The following SLCO1A2 variants were observed in gnomAD, a reference collection of about 807,000 sequenced individuals.
SLCO1A2 encodes the protein OATP-1.
A neutral mutation model predicts 69.0 loss-of-function variants in SLCO1A2; 67 were observed. The observed-to-expected ratio is 0.97, with a 90% CI of 0.80 to 1.19. The LOEUF is 1.19. SLCO1A2 is among the 50% of genes most tolerant of loss of function. SLCO1A2 has a pLI of 0.00. For synonymous variants in SLCO1A2, 260 were observed against 265.9 expected, an observed-to-expected ratio of 0.98 and a Z score of 0.22; for missense variants, 787 against 793.7, an observed-to-expected ratio of 0.99 and a Z score of 0.10.
chr12:21,299,817 CACATATACACACACAT>C (rs1948386211), intron 8 of SLCO1A2, among the ~76,000 whole-genome samples: 2 of 115,108 alleles, frequency 1.7e-5, no homozygotes, highest in African/African-American at 9.1e-5. Context: ...TATACACACA[CACATATACACACACAT>C]ATATGTGTAT....
chr12:21,323,930 T>A (rs1951962467), intron 2 of SLCO1A2, among the ~76,000 whole-genome samples: 1 of 152,116 alleles, frequency 6.6e-6, no homozygotes, highest in South Asian at 2.1e-4. Context: ...AGGGTGCTTG[T>A]ATAGTCTTAA....
At chr12:21,277,652 T>G (rs1217270735) in intron 12 of SLCO1A2, among the ~76,000 whole-genome samples, 1 of 152,094 alleles carries the variant, frequency 6.6e-6, no homozygotes, top group South Asian at 2.1e-4. Flanking sequence ...CAGGCAGGAG[T>G]TGGGGATGAT....
At chr12:21,346,561 G>T (rs928128201) in intron 2 of SLCO1A2, among the ~76,000 whole-genome samples, 3 of 151,636 alleles carry the variant, frequency 2.0e-5, no homozygotes, top group Admixed American at 2.0e-4. Flanking sequence ...CTAGGAAAAT[G>T]ACTTTTGTTC....
At chr12:21,289,957 T>C (rs896388278) in intron 12 of SLCO1A2, among the ~76,000 whole-genome samples, 1 of 152,078 alleles carries the variant, frequency 6.6e-6, no homozygotes, top group African/African-American at 2.4e-5. Flanking sequence ...AATACACACA[T>C]CTGGCTATCA....
intron 2 of SLCO1A2, among the ~76,000 whole-genome samples, chr12:21,323,256 T>C (rs1354280891): frequency 6.6e-6 from 1 of 152,154 alleles, no homozygotes; most frequent in African/African-American, 2.4e-5. Flanking sequence ...CTCTGAAAAA[T>C]AATTTTTTAA....
intron 1 of SLCO1A2, among the ~76,000 whole-genome samples, chr12:21,414,546 T>A (rs970179204): frequency 2.0e-5 from 3 of 152,158 alleles, no homozygotes; most frequent in African/African-American, 7.2e-5. Flanking sequence ...TGATTTTTTT[T>A]AATTTATCAA....
rs750771054 is a variant in SLCO1A2 at position 21,306,956 on chromosome 12, C to T, written c.368G>A (p.Gly123Asp). Residue 123 changes from glycine to aspartate, a missense_variant, in exon 5 of 15, where the codon GGC becomes GAC. Transcript: ENST00000683939. ...YEYESTVSVS[G>D]NLSSNSFLCM... is the part of the protein sequence containing the mutation. Reference sequence around the variant, plus strand: ...CAAGAAACTGTTTGAGGACAAGTTGCCTGAAACTGAAACTGTAGATTCATA... The same window carrying T: ...CAAGAAACTGTTTGAGGACAAGTTGTCTGAAACTGAAACTGTAGATTCATA... 2.5e-6 allele frequency: 4 copies of T among 1,613,510 alleles called. No individual in the cohort carries two copies. In the South Asian group the frequency reaches 3.3e-5, roughly 13 times the overall value.
chr12:21,356,517 A>G (rs990404035), intron 2 of SLCO1A2, among the ~76,000 whole-genome samples: 3 of 143,240 alleles, frequency 2.1e-5, no homozygotes, highest in African/African-American at 7.9e-5. Flanking sequence ...GGAAGGAGAG[A>G]GGTAAGAAAA....
At chr12:21,410,150 C>A (rs1306579486) in intron 1 of SLCO1A2, among the ~76,000 whole-genome samples, 1 of 152,156 alleles carries the variant, frequency 6.6e-6, no homozygotes, top group Non-Finnish European at 1.5e-5. Flanking sequence ...CCCCCACTAA[C>A]CCACCACCTA....
chr12:21,419,500 T>G (rs1362798504), upstream of SLCO1A2: 1 of 153,310 alleles, frequency 6.5e-6, no homozygotes, highest in Non-Finnish European at 1.5e-5. Flanking sequence ...CCGAATACCC[T>G]GCTTTTCTGA....
At chr12:21,304,621 G>A (rs746931390) in intron 5 of SLCO1A2, 48 bp from the exon 6 acceptor site, 1 of 1,496,942 alleles carries the variant, frequency 6.7e-7, no homozygotes, top group Non-Finnish European at 9.1e-7. Flanking sequence ...ACGATAAAGT[G>A]TCAGTAATAT....
intron 4 of SLCO1A2, among the ~76,000 whole-genome samples, chr12:21,307,291 T>G (rs1302342475): frequency 6.6e-6 from 1 of 152,202 alleles, no homozygotes; most frequent in African/African-American, 2.4e-5. Context: ...ATATAATTAT[T>G]ATGAGATAAG....
intron 2 of SLCO1A2, among the ~76,000 whole-genome samples, chr12:21,372,316 CTAATTT>C (rs1939860009): frequency 6.6e-6 from 1 of 152,088 alleles, no homozygotes; most frequent in Non-Finnish European, 1.5e-5. Context: ...TTTGTTCATT[CTAATTT>C]TGTTTTGTTC....
At position 21,375,018 on chromosome 12, in the gene SLCO1A2, A is replaced by G. The variant is rs140864745; in HGVS notation, c.-189-493T>C. On this transcript the variant is annotated intron_variant, in intron 1 of 15. Transcript: ENST00000307378. The stretch of plus-strand genomic sequence containing the variant: ...TATTTTATAGGGAAAGGGTCTCCCT[A>G]TGATGCCCAGGCTGGTGTCAAACTC... 3.4e-4 allele frequency among the ~76,000 whole-genome samples: 51 copies of G among 152,100 alleles called. 1 individual carries two copies. Among genetic ancestry groups the G allele is most frequent in the African/African-American group, 1.2e-3 (50 of 41,486 alleles).
chr12:21,367,424 T>C (rs1215922248), intron 2 of SLCO1A2, among the ~76,000 whole-genome samples: 3 of 151,898 alleles, frequency 2.0e-5, no homozygotes, highest in Non-Finnish European at 4.4e-5. Flanking sequence ...AGCAGTCAGT[T>C]TGGAGAAAAG....
intron 2 of SLCO1A2, among the ~76,000 whole-genome samples, chr12:21,320,927 C>T (rs1453980783): frequency 6.6e-6 from 1 of 152,184 alleles, no homozygotes; most frequent in African/African-American, 2.4e-5. Flanking sequence ...CTTCCCTCAG[C>T]CTTGATGGTT....
At chr12:21,408,039 AG>A (rs1392939228) in intron 1 of SLCO1A2, among the ~76,000 whole-genome samples, 1 of 152,098 alleles carries the variant, frequency 6.6e-6, no homozygotes, top group Non-Finnish European at 1.5e-5. Flanking sequence ...GTCTTTCTAT[AG>A]GGGGAATGTT....
chr12:21,297,646 C>A, intron 8 of SLCO1A2, 78 bp from the exon 9 acceptor site: 1 of 890,798 alleles, frequency 1.1e-6, no homozygotes. Context: ...AAACATCCAC[C>A]TCCTCAACAA....
intron 1 of SLCO1A2, among the ~76,000 whole-genome samples, chr12:21,385,452 C>G (rs1354111675): frequency 6.6e-6 from 1 of 152,212 alleles, no homozygotes; most frequent in Admixed American, 6.5e-5. Flanking sequence ...AAACTCTCAT[C>G]AATATCAACT....
Sources: allele counts gnomAD v4.1 joint callset (sites outside exome capture counted in the v4.1 genomes callset), GRCh38; gene constraint gnomAD v4.1.1; transcripts MANE v1.5; gene names NCBI Gene and HGNC (gene_info 2026-07-23, HGNC 2026-07-21).